The following HS3ST4 variants were observed in gnomAD, a reference collection of about 807,000 sequenced individuals.
HS3ST4 encodes the protein heparan sulfate glucosamine 3-O-sulfotransferase 4.
In HS3ST4, 17 loss-of-function variants were observed where a neutral mutation model predicts 29.2. That is an observed-to-expected ratio of 0.58 (90% CI 0.40 to 0.87). The LOEUF is 0.87. Among genes scored for constraint, HS3ST4 ranks in the 40% least tolerant of loss-of-function variants. HS3ST4 has a pLI of 0.00. For synonymous variants in HS3ST4, 314 were observed against 285.7 expected (o/e 1.10, Z -1.00); for missense variants, 627 against 634.5 (o/e 0.99, Z 0.13).
intron 1 of HS3ST4, among the ~76,000 whole-genome samples, chr16:25,764,378 G>A (rs1315734262): frequency 1.2e-4 from 18 of 152,104 alleles, no homozygotes; most frequent in Admixed American, 1.2e-3. Flanking sequence ...TTACAGATGG[G>A]GAAGCAGAGG....
intron 1 of HS3ST4, among the ~76,000 whole-genome samples, chr16:26,033,684 T>A (rs1392522159): frequency 6.6e-6 from 1 of 152,104 alleles, no homozygotes; most frequent in Non-Finnish European, 1.5e-5. Flanking sequence ...ATCACACCAC[T>A]GCGCTCCAGC....
intron 1 of HS3ST4, among the ~76,000 whole-genome samples, chr16:25,911,496 GTTTTTTTTTTT>G (rs542274531): frequency 3.7e-5 from 3 of 82,014 alleles, no homozygotes; most frequent in East Asian, 9.3e-4. Flanking sequence ...CCGTTGTGTG[GTTTTTTTTTTT>G]TTTTTTTTTT....
chr16:25,874,765 C>T (rs1442776062), intron 1 of HS3ST4, among the ~76,000 whole-genome samples: 1 of 152,098 alleles, frequency 6.6e-6, no homozygotes, highest in Non-Finnish European at 1.5e-5. Flanking sequence ...TAATATTTGT[C>T]CCAGACAGTT....
chr16:25,861,487 G>A (rs751481833), intron 1 of HS3ST4, among the ~76,000 whole-genome samples: 1 of 152,128 alleles, frequency 6.6e-6, no homozygotes, highest in Non-Finnish European at 1.5e-5. Context: ...GACTTAAATC[G>A]TTGGCATATG....
intron 1 of HS3ST4, among the ~76,000 whole-genome samples, chr16:25,895,200 T>A (rs561887001): frequency 6.6e-6 from 1 of 152,088 alleles, no homozygotes; most frequent in East Asian, 1.9e-4. Flanking sequence ...TTCTGGACCA[T>A]GGTAACCATG....
intron 1 of HS3ST4, among the ~76,000 whole-genome samples, chr16:25,776,303 C>G (rs895761086): frequency 2.6e-5 from 4 of 152,198 alleles, no homozygotes; most frequent in African/African-American, 7.2e-5. Context: ...TAGAGCAAAC[C>G]TGCCTCCCAT....
chr16:25,930,897 A>AAAAAACAAAAAC (rs1303826665), intron 1 of HS3ST4, among the ~76,000 whole-genome samples: 2 of 152,004 alleles, frequency 1.3e-5, no homozygotes, highest in African/African-American at 4.8e-5. Context: ...TTTCCTTCTG[A>AAAAAACAAAAAC]AAAAACAAAA....
At chr16:25,902,297 G>T (rs141102384) in intron 1 of HS3ST4, among the ~76,000 whole-genome samples, 23 of 151,998 alleles carry the variant, frequency 1.5e-4, no homozygotes, top group Admixed American at 1.2e-3. Context: ...TGGGAAGATC[G>T]CTTGAGCCCA....
chr16:26,093,777 G>C (rs1224322852), intron 1 of HS3ST4, among the ~76,000 whole-genome samples: 1 of 152,234 alleles, frequency 6.6e-6, no homozygotes, highest in African/African-American at 2.4e-5. Context: ...CGAGTTGACA[G>C]AAGTAGGCTT....
At chr16:26,020,060 C>T (rs575383284) in intron 1 of HS3ST4, among the ~76,000 whole-genome samples, 2 of 152,142 alleles carry the variant, frequency 1.3e-5, no homozygotes, top group Admixed American at 6.5e-5. Context: ...CACCGCCCCC[C>T]CTACCAAATA....
intron 1 of HS3ST4, among the ~76,000 whole-genome samples, chr16:25,974,670 T>C (rs936763260): frequency 3.3e-5 from 5 of 152,232 alleles, no homozygotes; most frequent in African/African-American, 1.2e-4. Context: ...ACAGGAGTTA[T>C]CTGTGAGACC....
At chr16:25,903,302 G>GTATGTATATGTATATATTATATA in intron 1 of HS3ST4, among the ~76,000 whole-genome samples, 2 of 103,496 alleles carry the variant, frequency 1.9e-5, no homozygotes, top group South Asian at 6.4e-4. Flanking sequence ...GTGTGTGTGT[G>GTATGTATATGTATATATTATATA]TATGTATATG....
At chr16:25,869,391 G>A (rs571753284) in intron 1 of HS3ST4, among the ~76,000 whole-genome samples, 1 of 152,294 alleles carries the variant, frequency 6.6e-6, no homozygotes, top group South Asian at 2.1e-4. Context: ...AAGCAGACTG[G>A]TGCTGAAGGA....
At chr16:25,736,254 C>CT (rs1966609135) in intron 1 of HS3ST4, among the ~76,000 whole-genome samples, 2 of 152,184 alleles carry the variant, frequency 1.3e-5, no homozygotes, top group East Asian at 3.8e-4. Flanking sequence ...AGGCTATGAC[C>CT]ACCCTTTGTC....
At position 26,075,400 on chromosome 16, in the gene HS3ST4, G is replaced by C. The variant is rs181089491; in HGVS notation, c.735-60212G>C. On this transcript the variant is annotated intron_variant, in intron 1 of 1. Transcript: ENST00000331351. ...TAGGTAGTAATTACCCGAGAACAGGGGCAATGCTGTATTTCTAGCACTCAA... is the reference window on the plus strand; with the variant it reads ...TAGGTAGTAATTACCCGAGAACAGGCGCAATGCTGTATTTCTAGCACTCAA... 3.3e-5 allele frequency among the ~76,000 whole-genome samples: 5 copies of C among 152,142 alleles called. No individual in the cohort carries two copies. The East Asian group carries it at 9.7e-4, about 29-fold the overall frequency.
intron 1 of HS3ST4, among the ~76,000 whole-genome samples, chr16:25,917,099 A>G (rs753151674): frequency 1.3e-5 from 2 of 152,100 alleles, no homozygotes; most frequent in African/African-American, 4.8e-5. Context: ...AGAAGTAACA[A>G]TTTCTCTATG....
intron 1 of HS3ST4, among the ~76,000 whole-genome samples, chr16:25,746,551 G>T (rs894706568): frequency 7.0e-6 from 1 of 143,000 alleles, no homozygotes; most frequent in African/African-American, 2.5e-5. Context: ...ATCACAATTG[G>T]TTGGTTTTTT....
At chr16:25,726,880 A>G (rs188058274) in intron 1 of HS3ST4, among the ~76,000 whole-genome samples, 191 of 152,264 alleles carry the variant, frequency 1.3e-3, no homozygotes, top group African/African-American at 4.0e-3. Context: ...CCAAAAAGAA[A>G]TGCATACTTT....
intron 1 of HS3ST4, among the ~76,000 whole-genome samples, chr16:25,696,103 G>C (rs1041122311): frequency 2.0e-5 from 3 of 152,160 alleles, no homozygotes; most frequent in Admixed American, 1.3e-4. Flanking sequence ...CAGATTTTCA[G>C]GGCAAGATAG....
Sources: allele counts gnomAD v4.1 joint callset (sites outside exome capture counted in the v4.1 genomes callset), GRCh38; gene constraint gnomAD v4.1.1; transcripts MANE v1.5; gene names NCBI Gene and HGNC (gene_info 2026-07-23, HGNC 2026-07-21).